Variants in FARS2 observed in about 807,000 individuals in gnomAD.
FARS2 encodes phenylalanine--tRNA ligase, mitochondrial.
Under a neutral mutation model 46.4 loss-of-function variants are expected in FARS2, and 40 were observed. The observed-to-expected ratio is 0.86, with a 90% CI of 0.67 to 1.12. FARS2 has a LOEUF of 1.12. Among genes scored for constraint, FARS2 ranks in the 50% most tolerant of loss-of-function variants. The pLI is 0.00. For synonymous variants in FARS2, 234 were observed against 214.9 expected (o/e 1.09, Z -0.78); for missense variants, 513 against 567.9 (o/e 0.90, Z 0.98).
chr6:5,528,487 A>G (rs186482746), intron 4 of FARS2, among the ~76,000 whole-genome samples: 3 of 152,312 alleles, frequency 2.0e-5, no homozygotes, highest in East Asian at 1.9e-4. Flanking sequence ...ATATGTATTT[A>G]TAGGTCTTTC....
chr6:5,735,859 A>G (rs1057103988), intron 6 of FARS2, among the ~76,000 whole-genome samples: 1 of 152,066 alleles, frequency 6.6e-6, no homozygotes, highest in African/African-American at 2.4e-5. Context: ...ACTCATAAGG[A>G]AGTTAAGAGT....
intron 6 of FARS2, among the ~76,000 whole-genome samples, chr6:5,686,721 A>G (rs1471597119): frequency 6.6e-6 from 1 of 152,238 alleles, no homozygotes; most frequent in Non-Finnish European, 1.5e-5. Context: ...TATACCCAGT[A>G]ATGGGATGGC....
intron 1 of FARS2, among the ~76,000 whole-genome samples, chr6:5,341,206 TATATATATATATATATATATA>T (rs1771556271): frequency 8.7e-4 from 7 of 8,014 alleles, no homozygotes; most frequent in East Asian, 4.8e-3. Flanking sequence ...TATATATATA[TATATATATATATATATATATA>T]TATATATATT....
intron 1 of FARS2, among the ~76,000 whole-genome samples, chr6:5,306,693 G>A (rs1174324494): frequency 1.3e-5 from 2 of 152,162 alleles, no homozygotes; most frequent in Non-Finnish European, 2.9e-5. Context: ...GCAAAAAGAT[G>A]ATATACTTAA....
intron 4 of FARS2, among the ~76,000 whole-genome samples, chr6:5,494,976 C>T (rs988579108): frequency 2.0e-5 from 3 of 152,170 alleles, no homozygotes; most frequent in African/African-American, 4.8e-5. Flanking sequence ...TGGCCTATTT[C>T]AGGGGTAATT....
intron 1 of FARS2, among the ~76,000 whole-genome samples, chr6:5,288,362 T>C (rs963464286): frequency 2.0e-5 from 3 of 152,186 alleles, no homozygotes; most frequent in Non-Finnish European, 4.4e-5. Flanking sequence ...TACATAAGCA[T>C]TGAGCCTCTC....
chr6:5,743,685 A>T (rs529308273), intron 6 of FARS2, among the ~76,000 whole-genome samples: 2 of 152,230 alleles, frequency 1.3e-5, no homozygotes, highest in Non-Finnish European at 2.9e-5. Flanking sequence ...AAGGGAGCAC[A>T]TTGTTGGTAG....
chr6:5,750,863 C>G (rs1409085795), intron 6 of FARS2, among the ~76,000 whole-genome samples: 1 of 152,138 alleles, frequency 6.6e-6, no homozygotes, highest in Non-Finnish European at 1.5e-5. Context: ...CTGTGATCAT[C>G]TCTCATGGTC....
chr6:5,347,558 C>T (rs1757318089), intron 1 of FARS2, among the ~76,000 whole-genome samples: 1 of 151,778 alleles, frequency 6.6e-6, no homozygotes, highest in South Asian at 2.1e-4. Context: ...CACTGTTTAC[C>T]CTTCTGTTGA....
intron 6 of FARS2, among the ~76,000 whole-genome samples, chr6:5,730,098 A>G (rs964056901): frequency 3.9e-5 from 6 of 152,254 alleles, no homozygotes; most frequent in Non-Finnish European, 8.8e-5. Flanking sequence ...TTTTAAAGAT[A>G]TGCCAGTCTG....
intron 4 of FARS2, among the ~76,000 whole-genome samples, chr6:5,494,423 C>T (rs1040285653): frequency 6.6e-6 from 1 of 152,160 alleles, no homozygotes; most frequent in Non-Finnish European, 1.5e-5. Flanking sequence ...CACACTGCCT[C>T]GCTTCTCAGC....
At chr6:5,498,754 AGCAGGATAG>A (rs1371804458) in intron 4 of FARS2, among the ~76,000 whole-genome samples, 8 of 152,212 alleles carry the variant, frequency 5.3e-5, no homozygotes, top group Non-Finnish European at 4.4e-5. Context: ...GTTTCTTTAC[AGCAGGATAG>A]GAGCATGAAG....
At chr6:5,547,644 C>T (rs1454946326) in intron 5 of FARS2, among the ~76,000 whole-genome samples, 2 of 152,178 alleles carry the variant, frequency 1.3e-5, no homozygotes, top group Non-Finnish European at 2.9e-5. Flanking sequence ...CCACCACCAG[C>T]GTTTGTAAGC....
At chr6:5,313,488 T>C (rs1021291887) in intron 1 of FARS2, among the ~76,000 whole-genome samples, 2 of 152,226 alleles carry the variant, frequency 1.3e-5, no homozygotes, top group African/African-American at 2.4e-5. Context: ...CAGATCTGCA[T>C]TTATTGCCAT....
intron 1 of FARS2, among the ~76,000 whole-genome samples, chr6:5,269,789 C>T (rs1765816511): frequency 6.6e-6 from 1 of 152,182 alleles, no homozygotes; most frequent in Non-Finnish European, 1.5e-5. Flanking sequence ...TGGGTCGATA[C>T]ATATCGTTGA....
upstream of FARS2, among the ~76,000 whole-genome samples, chr6:5,258,213 G>A (rs112696319): frequency 3.4e-4 from 52 of 152,290 alleles, no homozygotes; most frequent in African/African-American, 1.1e-3. Flanking sequence ...CTATCAAAAC[G>A]TGGCCTATAT....
At chr6:5,470,919 C>A (rs1234214652) in intron 4 of FARS2, among the ~76,000 whole-genome samples, 2 of 152,026 alleles carry the variant, frequency 1.3e-5, no homozygotes, top group African/African-American at 4.8e-5. Context: ...GACCTTTCTC[C>A]CTTTGCTGTA....
intron 1 of FARS2, among the ~76,000 whole-genome samples, chr6:5,350,415 A>C (rs1757503490): frequency 6.6e-6 from 1 of 152,180 alleles, no homozygotes; most frequent in South Asian, 2.1e-4. Flanking sequence ...GATCACTTTA[A>C]CTGATGTTCC....
chr6:5,460,789 C>A (rs1044212294), intron 4 of FARS2, among the ~76,000 whole-genome samples: 4 of 152,172 alleles, frequency 2.6e-5, no homozygotes, highest in African/African-American at 4.8e-5. Flanking sequence ...TCCACCTTCA[C>A]TTCTCAAGTC....
Sources: gnomAD v4.1 joint callset for allele counts (sites outside exome capture counted in the v4.1 genomes callset) on GRCh38, gnomAD v4.1.1 for gene constraint, MANE v1.5 for transcripts, NCBI Gene and HGNC (gene_info 2026-07-23, HGNC 2026-07-21) for gene names.